PIP5K1A: variants seen among roughly 807,000 people sequenced by gnomAD.
PIP5K1A encodes phosphatidylinositol-4-phosphate 5-kinase type 1 alpha.
Under a neutral mutation model 72.9 loss-of-function variants are expected in PIP5K1A, and 46 were observed. That is an observed-to-expected ratio of 0.63 (90% CI 0.50 to 0.81). The LOEUF (loss-of-function observed/expected upper bound fraction) is 0.81. Ranked by LOEUF, PIP5K1A falls within the 30% of genes least tolerant of loss-of-function variation. The probability of loss-of-function intolerance (pLI) is 0.00; values close to 1 mark genes in which losing one functional copy is unlikely to be tolerated. For missense variants in PIP5K1A, 458 were observed against 706.1 expected, an observed-to-expected ratio of 0.65 and a Z score of 3.98; for synonymous variants, 228 against 255.1, an observed-to-expected ratio of 0.89 and a Z score of 1.01.
intron 9 of PIP5K1A, 61 bp downstream of exon 9, chr1:151,236,824 T>A: frequency 2.3e-6 from 2 of 880,774 alleles, no homozygotes; most frequent in Non-Finnish European, 3.3e-6. Flanking sequence ...TTCTTTTCTT[T>A]TTTTTTTTTT....
chr1:151,222,366 T>C (rs1217215002), intron 1 of PIP5K1A, among the ~76,000 whole-genome samples: 3 of 152,232 alleles, frequency 2.0e-5, no homozygotes, highest in African/African-American at 7.2e-5. Context: ...CAAAATTCCA[T>C]GGAGCGACAT....
chr1:151,239,375 T>C (rs1263839995), intron 11 of PIP5K1A, among the ~76,000 whole-genome samples, 197 bp downstream of exon 11: 2 of 148,530 alleles, frequency 1.3e-5, no homozygotes, highest in African/African-American at 5.0e-5. Context: ...CAGTTTCAAG[T>C]GATTCTCCTG....
At chr1:151,196,549 G>GTTTTTTTT (rs1481077721), upstream of PIP5K1A, among the ~76,000 whole-genome samples, 1 of 115,902 alleles carries the variant, frequency 8.6e-6, no homozygotes, top group African/African-American at 2.9e-5. Flanking sequence ...AATGCATGGG[G>GTTTTTTTT]ATTTTTTTTT....
chr1:151,240,072 C>G (rs772532582), intron 12 of PIP5K1A, 33 bp downstream of exon 12: 1 of 1,476,814 alleles, frequency 6.8e-7, no homozygotes. Context: ...CTGCCTACTC[C>G]TGCCCAGTGG....
intron 1 of PIP5K1A, among the ~76,000 whole-genome samples, chr1:151,215,629 T>C (rs1044682744): frequency 6.6e-6 from 1 of 152,202 alleles, no homozygotes; most frequent in African/African-American, 2.4e-5. Flanking sequence ...CCCGGCATTC[T>C]TTTTTAAAAG....
chr1:151,211,216 G>C lies in PIP5K1A; in HGVS notation c.85+12135G>C, dbSNP rs112706161. ...CTCATTTCAGAATTATTTGGGCACA[G>C]TGGTTTCCACCTGTAGTCCCAGCAC... On this transcript the variant is annotated intron_variant, in intron 1 of 15. Transcript: ENST00000368888. Among the ~76,000 whole-genome samples, 140 of 152,322 alleles carry C rather than the reference G, an allele frequency of 9.2e-4. 1 individual carries two copies. Among genetic ancestry groups the C allele is most frequent in the African/African-American group, 3.2e-3 (134 of 41,580 alleles).
chr1:151,208,505 C>T (rs1339838851), intron 1 of PIP5K1A, among the ~76,000 whole-genome samples: 7 of 151,276 alleles, frequency 4.6e-5, no homozygotes, highest in South Asian at 2.1e-4. Context: ...GGATTACAGG[C>T]GCACACCACC....
In PIP5K1A at chr1:151,236,081, A is replaced by C. The variant is rs587741870; in HGVS notation, c.940-477A>C. ...GGTTGCAGTGAGCCAAGATCGCGCCACTGTACTCCAGCCTGGCGACAAAGC... is the reference window on the plus strand; with the variant it reads ...GGTTGCAGTGAGCCAAGATCGCGCCCCTGTACTCCAGCCTGGCGACAAAGC... On this transcript the variant is annotated intron_variant, in intron 8 of 15. Transcript: ENST00000368888. 2.0e-5 allele frequency among the ~76,000 whole-genome samples: 3 copies of C among 149,948 alleles called. No individual in the cohort carries two copies. In the South Asian group the frequency reaches 6.3e-4, roughly 32 times the overall value.
intron 1 of PIP5K1A, among the ~76,000 whole-genome samples, chr1:151,223,057 A>C (rs755046098): frequency 7.2e-5 from 11 of 151,920 alleles, no homozygotes; most frequent in Non-Finnish European, 1.6e-4. Context: ...TTCTAAAAAA[A>C]ATACAAAAAT....
intron 1 of PIP5K1A, among the ~76,000 whole-genome samples, chr1:151,213,767 T>C (rs1687197152): frequency 6.6e-6 from 1 of 152,140 alleles, no homozygotes; most frequent in African/African-American, 2.4e-5. Context: ...TTTGTATGTG[T>C]GGGACTGTTG....
rs143930201 is a variant in PIP5K1A, at chr1:151,245,811, T to C, written c.1641-1109T>C. ...TCAGGCTCCCAAAGTGCTGGGATTA[T>C]AGGCATGAGCCACTGCACCAGGCCA... is the stretch of plus-strand genomic sequence containing the variant. On this transcript the variant is annotated intron_variant, in intron 14 of 15. Coordinates refer to ENST00000368888, the MANE Select transcript of PIP5K1A (RefSeq NM_001135638.2). Among the ~76,000 whole-genome samples the C allele has an allele frequency of 4.6e-3, 694 of 152,276 alleles. 7 individuals carry two copies. Among genetic ancestry groups the C allele is most frequent in the African/African-American group, 0.016 (660 of 41,554 alleles).
chr1:151,234,660 T>C (rs1690600396), intron 8 of PIP5K1A, among the ~76,000 whole-genome samples, 164 bp downstream of exon 8: 1 of 152,222 alleles, frequency 6.6e-6, no homozygotes, highest in African/African-American at 2.4e-5. Context: ...TTTACATTTT[T>C]ACTTTCTCCC....
chr1:151,241,008 TA>T (rs1409232134), intron 12 of PIP5K1A, among the ~76,000 whole-genome samples: 1 of 151,878 alleles, frequency 6.6e-6, no homozygotes, highest in Non-Finnish European at 1.5e-5. Context: ...CTACTAAAAA[TA>T]CTAAAATTAG....
At chr1:151,242,407 C>T (rs761799991) in intron 13 of PIP5K1A, 31 bp from the exon 14 acceptor site, 1 of 1,613,326 alleles carries the variant, frequency 6.2e-7, no homozygotes, top group South Asian at 1.1e-5. Flanking sequence ...CTTGTATTTA[C>T]TGTACCCCAT....
chr1:151,229,547 G>C (rs1240182021), intron 4 of PIP5K1A, among the ~76,000 whole-genome samples: 1 of 151,316 alleles, frequency 6.6e-6, no homozygotes, highest in African/African-American at 2.4e-5. Flanking sequence ...TTTTAGTAGA[G>C]ATAGGGTTTC....
intron 1 of PIP5K1A, among the ~76,000 whole-genome samples, chr1:151,201,010 A>AT (rs1043559052): frequency 1.3e-5 from 2 of 151,780 alleles, no homozygotes; most frequent in African/African-American, 4.8e-5. Flanking sequence ...TGTTTTTTGT[A>AT]TTTTTAGTAG....
intron 1 of PIP5K1A, among the ~76,000 whole-genome samples, chr1:151,220,186 A>G (rs587692156): frequency 6.6e-6 from 1 of 151,496 alleles, no homozygotes; most frequent in Non-Finnish European, 1.5e-5. Context: ...TTGTATTTTT[A>G]GTAGAGACGG....
chr1:151,217,883 G>A lies in PIP5K1A; in HGVS notation c.86-6362G>A, dbSNP rs145925011. Among the ~76,000 whole-genome samples the A allele has an allele frequency of 8.8e-3, 1,341 of 152,174 alleles. 28 individuals are homozygous for A. The highest frequency in any genetic ancestry group is 0.031 in the African/African-American group (1,271 of 41,504). On this transcript the variant is annotated intron_variant, in intron 1 of 15. Transcript: ENST00000368888. ...CAACCTCCACCTCCTGGGTTCAAGC[G>A]ATTCTCCTGCCTCAGACTCGCAAGT...
intron 5 of PIP5K1A, among the ~76,000 whole-genome samples, 182 bp downstream of exon 5, chr1:151,231,983 A>C (rs1280161223): frequency 6.6e-6 from 1 of 152,160 alleles, no homozygotes; most frequent in African/African-American, 2.4e-5. Context: ...AGATGCTTCC[A>C]TTAGCCTCTG....
Sources: allele counts gnomAD v4.1 joint callset (sites outside exome capture counted in the v4.1 genomes callset), GRCh38; gene constraint gnomAD v4.1.1; transcripts MANE v1.5; gene names NCBI Gene and HGNC (gene_info 2026-07-23, HGNC 2026-07-21).